FADS3: variants seen among roughly 807,000 people sequenced by gnomAD.
FADS3 encodes the protein cytochrome b5-related protein.
A neutral mutation model predicts 60.4 loss-of-function variants in FADS3; 30 were observed. The ratio of observed to expected loss-of-function variants is 0.50; its 90% CI spans 0.37 to 0.67. The LOEUF is 0.67. Among genes scored for constraint, FADS3 ranks in the 30% least tolerant of loss-of-function variants. The pLI is 0.00. For synonymous variants in FADS3, 234 were observed against 249.3 expected, an observed-to-expected ratio of 0.94 and a Z score of 0.58; for missense variants, 432 against 598.3, an observed-to-expected ratio of 0.72 and a Z score of 2.90.
intron 1 of FADS3, among the ~76,000 whole-genome samples, chr11:61,890,704 C>T (rs1166127793): frequency 6.6e-6 from 1 of 152,174 alleles, no homozygotes; most frequent in African/African-American, 2.4e-5. Flanking sequence ...TGTCCCTGAG[C>T]CCTTTACAGA....
In FADS3 at chr11:61,877,925, G is replaced by C; in HGVS notation, c.808+230C>G. 1.7e-6 allele frequency: 1 copy of C among 602,046 alleles called. No homozygotes were observed. The highest frequency in any genetic ancestry group is 3.0e-6 in the Non-Finnish European group (1 of 338,204). The allele number at this position is 602,046 out of a possible 1,614,324, so 37.3% of individuals were successfully genotyped here. ...GGGGCTTGGGGAAGCTCCCAGCAGG[G>C]CTGTGATGGCCCGTGGCTGCAAGGT... is the stretch of plus-strand genomic sequence containing the variant. On this transcript the variant is annotated intron_variant, in intron 6 of 11. Transcript: ENST00000278829. This position sits in a 1 kb window ranked among gnomAD's most constrained non-coding sequence, Gnocchi z 4.7.
chr11:61,885,001 C>A (rs369445795), intron 1 of FADS3, among the ~76,000 whole-genome samples: 1 of 152,132 alleles, frequency 6.6e-6, no homozygotes, highest in Admixed American at 6.5e-5. Flanking sequence ...GGGCACGAAC[C>A]ATTTTGCTGG....
Position 61,877,371 on chromosome 11 carries a change from C to T in FADS3, c.885+140G>A. On this transcript the variant is annotated intron_variant, in intron 7 of 11. Transcript: ENST00000278829. This position sits in a 1 kb window ranked among gnomAD's most constrained non-coding sequence, Gnocchi z 4.7. ...GCTGCGCGCACACATGTGAGCCACA[C>T]TGTTGCACGCATACATGTGAGCCAC... The T allele has an allele frequency of 4.1e-6, 3 of 730,084 alleles. No individual in the cohort carries two copies. The South Asian group carries it at 4.9e-5, about 12-fold the overall frequency. The allele number at this position is 730,084 out of a possible 1,614,324, so 45.2% of individuals were successfully genotyped here. A position where few individuals can be genotyped will look rare whatever the true frequency, so the allele number is the denominator to read the frequency against.
At chr11:61,873,928 C>T in intron 11 of FADS3, 63 bp from the exon 12 acceptor site, 2 of 1,043,736 alleles carry the variant, frequency 1.9e-6, no homozygotes, top group Non-Finnish European at 2.9e-6. Flanking sequence ...TCCTAACACC[C>T]CTGTATCCCC....
chr11:61,880,343 C>T (rs1938084198), intron 1 of FADS3, 192 bp from the exon 2 acceptor site: 3 of 494,112 alleles, frequency 6.1e-6, no homozygotes, highest in Non-Finnish European at 1.1e-5. Context: ...GGTTGTCCTG[C>T]TTTTCACCCA....
chr11:61,891,174 C>T lies in FADS3; in HGVS notation c.208G>A (p.Ala70Thr). The T allele has an allele frequency of 2.6e-6, 4 of 1,559,240 alleles. No homozygotes were observed. The highest frequency in any genetic ancestry group is 1.7e-6 in the Non-Finnish European group (2 of 1,151,602). ...RLIGHHGAED[A>T]TDAFRAFHQD... The stretch of plus-strand genomic sequence containing the variant: ...CTTCCTTATGGCTTCCTTACCGTGG[C>T]GTCCTCAGCGCCGTGGTGGCCGATG... Residue 70 changes from alanine to threonine, a missense_variant, in exon 1 of 12, where the codon GCC (alanine) becomes ACC (threonine). Around this residue, in one of 5 missense-constraint regions of FADS3, gnomAD observed 167 missense variants for 188.8 expected, o/e 0.88. Coordinates refer to ENST00000278829, the MANE Select transcript of FADS3 (RefSeq NM_021727.5).
intron 1 of FADS3, chr11:61,881,149 T>A (rs1169736498): frequency 6.6e-6 from 1 of 152,142 alleles, no homozygotes; most frequent in Non-Finnish European, 1.5e-5. Context: ...TTGTCTCTAT[T>A]TTTACAAAAA....
chr11:61,876,413 G>A lies in FADS3; in HGVS notation c.1026C>T (p.Asn342=). 6.2e-7 allele frequency: 1 copy of A among 1,613,520 alleles called. No individual in the cohort carries two copies. The highest frequency in any genetic ancestry group is 1.1e-5 in the South Asian group (1 of 91,080). ...CGTGGCCGATCTCCTTGGGGATGTG[G>A]TTCATCTGTGTGATCCACACGAACC... The part of the protein sequence containing the change: ...SHWFVWITQM[N]HIPKEIGHEK... The change falls in exon 9 of 12, where the codon AAC becomes AAT. Residue 342 remains asparagine (N), a synonymous_variant. Transcript: ENST00000278829. The surrounding 1 kb of genome is among the most constrained non-coding windows in gnomAD (Gnocchi z 5.7).
At chr11:61,875,252 C>G (rs767659948) in intron 11 of FADS3, among the ~76,000 whole-genome samples, 1 of 152,154 alleles carries the variant, frequency 6.6e-6, no homozygotes, top group Non-Finnish European at 1.5e-5. Context: ...GTTGCCCAGG[C>G]TGGACTGCAA....
At chr11:61,875,461 G>C (rs1937839251) in intron 11 of FADS3, among the ~76,000 whole-genome samples, 1 of 147,634 alleles carries the variant, frequency 6.8e-6, no homozygotes, top group African/African-American at 2.5e-5. Flanking sequence ...TCGAACTCCT[G>C]ACCTCAAGTG....
intron 1 of FADS3, among the ~76,000 whole-genome samples, chr11:61,884,395 G>A (rs528714292): frequency 3.2e-4 from 49 of 152,290 alleles, no homozygotes; most frequent in African/African-American, 1.2e-3. Flanking sequence ...GTTGACGGGT[G>A]CAGCAAACCA....
At position 61,876,501 on chromosome 11, in the gene FADS3, G is replaced by C; in HGVS notation, c.984-46C>G. On this transcript the variant is annotated intron_variant, in intron 8 of 11. Transcript: ENST00000278829. This position sits in a 1 kb window ranked among gnomAD's most constrained non-coding sequence, Gnocchi z 5.7. ...TGCCCTAGGTCCAGCTCACCACTTA[G>C]GCACCCTGAGTGGAGGCTGGAGAGC... 1 of 1,510,504 alleles carries C rather than the reference G, an allele frequency of 6.6e-7. No homozygotes were observed. Among genetic ancestry groups the C allele is most frequent in the South Asian group, 1.1e-5 (1 of 89,064 alleles). 93.6% of individuals were successfully genotyped at this position (1,510,504 alleles called of 1,614,324 possible).
At chr11:61,882,907 T>C (rs1938186802) in intron 1 of FADS3, among the ~76,000 whole-genome samples, 1 of 152,012 alleles carries the variant, frequency 6.6e-6, no homozygotes, top group South Asian at 2.1e-4. Flanking sequence ...TTTTTGTATA[T>C]TTCGTAGAGT....
rs759908821 is a variant in FADS3, at chr11:61,878,476, CCCAGCCA to C, written c.747+29_747+35del. 8 of 1,604,960 alleles carry C rather than the reference CCCAGCCA, an allele frequency of 5.0e-6. No homozygotes were observed. The African/African-American group carries it at 1.1e-4, about 21-fold the overall frequency. ...GCATTAGCTCCCCCTCAGCTGCAGG[CCCAGCCA>C]GAGGTTGTCCACGTCCCTCCCCACC... On this transcript the variant is annotated intron_variant, in intron 5 of 11. Transcript: ENST00000278829.
In FADS3 at chr11:61,877,284, ACC is replaced by A; in HGVS notation, c.885+225_885+226del. 7.5e-6 allele frequency: 1 copy of A among 133,458 alleles called. No individual in the cohort carries two copies. Among genetic ancestry groups the A allele is most frequent in the Middle Eastern group, 2.7e-3 (1 of 376 alleles). 8.3% of individuals were successfully genotyped at this position (133,458 alleles called of 1,614,324 possible). A position where few individuals can be genotyped will look rare whatever the true frequency, so the allele number is the denominator to read the frequency against. ...GACACCCTCACCGAGAGAGACCCACACCCCCCCTGTTCCTCAACCCCCCCCCA... is the reference window on the plus strand; with the variant it reads ...GACACCCTCACCGAGAGAGACCCACACCCCCTGTTCCTCAACCCCCCCCCA... On this transcript the variant is annotated intron_variant, in intron 7 of 11. Transcript: ENST00000278829. The surrounding 1 kb of genome is among the most constrained non-coding windows in gnomAD (Gnocchi z 4.7).
rs200028748 is a variant in FADS3, at chr11:61,878,887, G to A, written c.523-40C>T. 889 of 1,588,154 alleles carry A rather than the reference G, an allele frequency of 5.6e-4. 6 individuals carry two copies. The highest frequency in any genetic ancestry group is 8.4e-4 in the Middle Eastern group (5 of 5,954). On this transcript the variant is annotated intron_variant, in intron 3 of 11. Transcript: ENST00000278829. Reference sequence around the variant, plus strand: ...AGGGTCAGAAGCTGTTGGGAAGGACGGAGCCCGCCAGGGCCTGGGGCCCCA... The same window carrying A: ...AGGGTCAGAAGCTGTTGGGAAGGACAGAGCCCGCCAGGGCCTGGGGCCCCA...
chr11:61,888,686 C>A (rs1034591644), intron 1 of FADS3, among the ~76,000 whole-genome samples: 2 of 152,222 alleles, frequency 1.3e-5, no homozygotes, highest in Non-Finnish European at 2.9e-5. Flanking sequence ...GGGCCAGCAG[C>A]ATTTACCGAA....
At chr11:61,880,465 C>A in intron 1 of FADS3, 1 of 212,332 alleles carries the variant, frequency 4.7e-6, no homozygotes, top group South Asian at 1.6e-4. Context: ...ACTTTGATTT[C>A]TTGAACCACG....
intron 1 of FADS3, among the ~76,000 whole-genome samples, chr11:61,889,540 G>C (rs945426989): frequency 6.6e-6 from 1 of 152,126 alleles, no homozygotes; most frequent in African/African-American, 2.4e-5. Flanking sequence ...CCAGCTACTC[G>C]GGAGGCTGAG....
Sources: gnomAD v4.1 joint callset for allele counts (sites outside exome capture counted in the v4.1 genomes callset) on GRCh38, gnomAD v4.1.1 for gene constraint, gnomAD v4.1.1 regional missense constraint, Gnocchi (gnomAD v3.1) non-coding constraint, MANE v1.5 for transcripts, NCBI Gene and HGNC (gene_info 2026-07-23, HGNC 2026-07-21) for gene names.